The following ELP1 variants were observed in gnomAD, a reference collection of about 807,000 sequenced individuals.
ELP1 encodes the protein elongator complex protein 1.
ELP1 carries 131 observed loss-of-function variants against 183.2 expected under a neutral mutation model. The ratio of observed to expected loss-of-function variants is 0.72; its 90% CI spans 0.62 to 0.83. ELP1 has a LOEUF of 0.83. ELP1 is among the 40% of genes least tolerant of loss of function. The probability of loss-of-function intolerance (pLI) is 0.00; values close to 1 mark genes in which losing one functional copy is unlikely to be tolerated. For synonymous variants in ELP1, 555 were observed against 569.0 expected (o/e 0.98, Z 0.35); for missense variants, 1,550 against 1,594.9 (o/e 0.97, Z 0.48).
chr9:108,910,830 T>TA lies in ELP1; in HGVS notation c.1360+179dup, dbSNP rs11431875. Among the ~76,000 whole-genome samples the TA allele has an allele frequency of 0.71, 99,648 of 140,520 alleles. 35,325 individuals carry two copies. Among genetic ancestry groups the TA allele is most frequent in the African/African-American group, 0.82 (31,450 of 38,184 alleles). The allele number at this position is 140,520 out of a possible 152,430, so 92.2% of individuals were successfully genotyped here. ...TGGCTCGTACAAACCAGTATAGGAT[T>TA]AAAAAAAAAAAAAACAAAAACCCAA... On this transcript the variant is annotated intron_variant, in intron 12 of 36. Coordinates refer to ENST00000374647, the MANE Select transcript of ELP1 (RefSeq NM_003640.5).
intron 16 of ELP1, 95 bp downstream of exon 16, chr9:108,902,744 C>T: frequency 1.1e-6 from 1 of 880,090 alleles, no homozygotes; most frequent in Admixed American, 1.7e-5. Context: ...TAGTGGAGAC[C>T]CAAGTCCACC....
chr9:108,927,594 T>C lies in ELP1; in HGVS notation c.304-141A>G, dbSNP rs866469055. ...AGAGATATCTGCACTCTCATGTTTGTTGCAGCTCTGTTCACAATAGCTAAG... is the reference window on the plus strand; with the variant it reads ...AGAGATATCTGCACTCTCATGTTTGCTGCAGCTCTGTTCACAATAGCTAAG... On this transcript the variant is annotated intron_variant, in intron 3 of 36. Transcript: ENST00000374647. 20 of 724,520 alleles carry C rather than the reference T, an allele frequency of 2.8e-5. No homozygotes were observed. In the Middle Eastern group the frequency reaches 1.5e-3, roughly 55 times the overall value. 44.9% of individuals were successfully genotyped at this position (724,520 alleles called of 1,614,324 possible).
chr9:108,877,963 A>C, intron 35 of ELP1, 32 bp downstream of exon 35: 1 of 1,613,554 alleles, frequency 6.2e-7, no homozygotes, highest in East Asian at 2.2e-5. Flanking sequence ...AAAATGATGA[A>C]AAAAATGCAC....
intron 10 of ELP1, among the ~76,000 whole-genome samples, chr9:108,914,843 T>G (rs1316578348): frequency 1.3e-5 from 2 of 152,190 alleles, no homozygotes; most frequent in Non-Finnish European, 2.9e-5. Flanking sequence ...GCCAGGATGG[T>G]CTCGATCTCC....
Position 108,903,648 on chromosome 9 carries a change from C to A in ELP1, c.1665G>T (p.Gly555=), listed in dbSNP as rs558485897. ...LNVSSSAAVD[G]VIISLCCNSK... ...AATTGCAACATAGACTGATTATGACCCCATCCACCGCTGCAGATGAACTGA... is the reference window on the plus strand; with the variant it reads ...AATTGCAACATAGACTGATTATGACACCATCCACCGCTGCAGATGAACTGA... The change falls in exon 15 of 37, where the codon GGG becomes GGT. Residue 555 remains glycine, a synonymous_variant. Coordinates refer to ENST00000374647, the MANE Select transcript of ELP1 (RefSeq NM_003640.5). 6.2e-7 allele frequency: 1 copy of A among 1,613,678 alleles called. No individual in the cohort carries two copies. The highest frequency in any genetic ancestry group is 1.3e-5 in the African/African-American group (1 of 74,868).
intron 14 of ELP1, 134 bp downstream of exon 14, chr9:108,906,169 T>C (rs1174818107): frequency 1.2e-6 from 1 of 819,454 alleles, no homozygotes; most frequent in Non-Finnish European, 2.0e-6. Flanking sequence ...TTAACCTTCT[T>C]GTTAAGTGTG....
chr9:108,894,503 G>A (rs142205239), intron 25 of ELP1, among the ~76,000 whole-genome samples: 2,367 of 152,334 alleles, frequency 0.016, 31 homozygotes, highest in Non-Finnish European at 0.025. Context: ...CTCACGTTGT[G>A]CAAGGGTCAG....
intron 36 of ELP1, among the ~76,000 whole-genome samples, chr9:108,870,503 C>T (rs996951883): frequency 2.0e-5 from 3 of 152,058 alleles, no homozygotes; most frequent in Non-Finnish European, 4.4e-5. Context: ...TCTTTGTCAT[C>T]TCCACGTTGA....
intron 27 of ELP1, 89 bp from the exon 28 acceptor site, chr9:108,891,493 G>A: frequency 8.4e-7 from 1 of 1,196,618 alleles, no homozygotes; most frequent in Non-Finnish European, 1.2e-6. Context: ...TCCTATACTT[G>A]GAACTCCCTT....
intron 26 of ELP1, among the ~76,000 whole-genome samples, chr9:108,893,709 C>G (rs1401563496): frequency 6.6e-6 from 1 of 152,062 alleles, no homozygotes; most frequent in African/African-American, 2.4e-5. Flanking sequence ...CATTCTTAAC[C>G]AAAAAAGGAT....
intron 35 of ELP1, among the ~76,000 whole-genome samples, chr9:108,877,036 ACCGGCTGGCTTTTCCCCCAG>A (rs1827731240): frequency 6.6e-6 from 1 of 152,102 alleles, no homozygotes; most frequent in Non-Finnish European, 1.5e-5. Context: ...ACCTGGCCCG[ACCGGCTGGCTTTTCCCCCAG>A]CAGCAGCTGT....
At chr9:108,882,018 A>T in intron 30 of ELP1, 107 bp downstream of exon 30, 2 of 918,296 alleles carry the variant, frequency 2.2e-6, no homozygotes, top group Non-Finnish European at 3.6e-6. Context: ...ACCTATTTCT[A>T]CTTATTTCAT....
intron 2 of ELP1, among the ~76,000 whole-genome samples, chr9:108,930,447 G>C (rs917202566): frequency 3.3e-5 from 5 of 152,080 alleles, no homozygotes; most frequent in African/African-American, 1.2e-4. Context: ...ACCACTCTTG[G>C]CCGGGCGCTG....
At position 108,881,707 on chromosome 9, in the gene ELP1, T is replaced by G. The variant is rs1827935498; in HGVS notation, c.3344A>C (p.Glu1115Ala). The part of the protein sequence containing the change: ...IETNVKPSIL[E>A]AQKNYMAFLD... ...TCTATCTAAAATGGAACCCTCACCT[T>G]CTAAAATGGAAGGCTTTACGTTGGT... The change falls in exon 31 of 37, where the codon GAA becomes GCA. Residue 1115 changes from glutamate to alanine, a missense_variant and splice_region_variant. By Grantham distance (107) the Glu-to-Ala change is moderately radical. Coordinates refer to ENST00000374647, the MANE Select transcript of ELP1 (RefSeq NM_003640.5). 1 of 1,570,700 alleles carries G rather than the reference T, an allele frequency of 6.4e-7. No individual in the cohort carries two copies.
intron 12 of ELP1, among the ~76,000 whole-genome samples, chr9:108,910,759 GT>G (rs1424699973): frequency 2.0e-5 from 3 of 149,776 alleles, no homozygotes; most frequent in African/African-American, 7.4e-5. Flanking sequence ...AGAGTCCAAT[GT>G]TATTCTTAAA....
At chr9:108,929,701 T>C in intron 3 of ELP1, 68 bp downstream of exon 3, 2 of 1,538,330 alleles carry the variant, frequency 1.3e-6, no homozygotes. Context: ...TTTGAAAACT[T>C]CCACAAATAG....
intron 22 of ELP1, 148 bp downstream of exon 22, chr9:108,898,353 CA>C (rs1828634293): frequency 3.2e-6 from 2 of 622,198 alleles, no homozygotes; most frequent in Non-Finnish European, 5.7e-6. Context: ...CGGAAAAGAG[CA>C]AAAAACCAAC....
chr9:108,873,312 G>A (rs1179155595), intron 36 of ELP1, among the ~76,000 whole-genome samples: 1 of 152,212 alleles, frequency 6.6e-6, no homozygotes, highest in African/African-American at 2.4e-5. Context: ...TTTCACTTGT[G>A]GGGATGTGCC....
At chr9:108,870,021 G>T (rs1428059134) in intron 36 of ELP1, among the ~76,000 whole-genome samples, 4 of 151,876 alleles carry the variant, frequency 2.6e-5, no homozygotes, top group Non-Finnish European at 5.9e-5. Context: ...TGTTGCCCAG[G>T]TTGGAGTGCA....
Sources: allele counts gnomAD v4.1 joint callset (sites outside exome capture counted in the v4.1 genomes callset), GRCh38; gene constraint gnomAD v4.1.1; transcripts MANE v1.5; gene names NCBI Gene and HGNC (gene_info 2026-07-23, HGNC 2026-07-21).